The following SDCCAG8 variants were observed in gnomAD, a reference collection of about 807,000 sequenced individuals.
The protein encoded by SDCCAG8 is SHH signaling and ciliogenesis regulator SDCCAG8.
SDCCAG8 carries 74 observed loss-of-function variants against 101.8 expected under a neutral mutation model. The ratio of observed to expected loss-of-function variants is 0.73; its 90% CI spans 0.60 to 0.88. SDCCAG8 has a LOEUF of 0.88. Ranked by LOEUF, SDCCAG8 falls within the 40% of genes least tolerant of loss-of-function variation. The pLI is 0.00. For missense variants in SDCCAG8, 787 were observed against 822.6 expected (o/e 0.96, Z 0.53); for synonymous variants, 281 against 292.9 (o/e 0.96, Z 0.41).
chr1:243,295,005 C>T (rs2070727351), intron 6 of SDCCAG8, among the ~76,000 whole-genome samples: 2 of 152,078 alleles, frequency 1.3e-5, no homozygotes, highest in East Asian at 3.9e-4. Flanking sequence ...CCCAGTCACC[C>T]TCTCCTGTCT....
intron 17 of SDCCAG8, among the ~76,000 whole-genome samples, chr1:243,494,231 T>C (rs1667260983): frequency 6.6e-6 from 1 of 152,214 alleles, no homozygotes; most frequent in African/African-American, 2.4e-5. Context: ...TTTTTTTGTT[T>C]TTATCCTGAT....
intron 16 of SDCCAG8, among the ~76,000 whole-genome samples, chr1:243,441,583 T>C (rs1009307545): frequency 9.9e-5 from 15 of 152,194 alleles, no homozygotes; most frequent in African/African-American, 3.4e-4. Context: ...TATGGCTAGA[T>C]TTTATTACCT....
intron 17 of SDCCAG8, among the ~76,000 whole-genome samples, chr1:243,491,853 A>G (rs949880629): frequency 2.6e-5 from 4 of 152,104 alleles, no homozygotes; most frequent in Non-Finnish European, 5.9e-5. Flanking sequence ...CGGGTTAGAG[A>G]TGGTTTAACT....
chr1:243,438,678 C>T (rs952409455), intron 16 of SDCCAG8, among the ~76,000 whole-genome samples: 1 of 152,018 alleles, frequency 6.6e-6, no homozygotes, highest in Non-Finnish European at 1.5e-5. Flanking sequence ...CTGAGAGGGG[C>T]CTTTGAAGGG....
At chr1:243,426,378 T>C (rs2081340399) in intron 15 of SDCCAG8, 49 bp from the exon 16 acceptor site, 1 of 1,505,618 alleles carries the variant, frequency 6.6e-7, no homozygotes, top group Non-Finnish European at 9.2e-7. Flanking sequence ...CAATATGCCC[T>C]AGTAATAAGA....
At chr1:243,493,276 T>G (rs551250588) in intron 17 of SDCCAG8, among the ~76,000 whole-genome samples, 261 of 151,962 alleles carry the variant, frequency 1.7e-3, no homozygotes, top group Middle Eastern at 0.01. Flanking sequence ...CAGGGGAGTT[T>G]GGGCAGGGCC....
intron 1 of SDCCAG8, among the ~76,000 whole-genome samples, chr1:243,258,331 A>G (rs972549266): frequency 6.6e-6 from 1 of 152,204 alleles, no homozygotes; most frequent in African/African-American, 2.4e-5. Context: ...TCTGGAAGGA[A>G]ACAAAACAGA....
chr1:243,341,676 T>C (rs918681572), intron 11 of SDCCAG8, among the ~76,000 whole-genome samples: 4 of 152,216 alleles, frequency 2.6e-5, no homozygotes, highest in Non-Finnish European at 5.9e-5. Context: ...TAATACTACA[T>C]GATCTTATTG....
chr1:243,288,251 C>A (rs1265209582), intron 5 of SDCCAG8, among the ~76,000 whole-genome samples: 1 of 152,062 alleles, frequency 6.6e-6, no homozygotes, highest in African/African-American at 2.4e-5. Context: ...ACGGATGGAT[C>A]ACTTGAGCCC....
intron 9 of SDCCAG8, 95 bp downstream of exon 9, chr1:243,316,988 G>A: frequency 7.7e-7 from 1 of 1,290,792 alleles, no homozygotes; most frequent in Non-Finnish European, 1.1e-6. Flanking sequence ...ACTAAACTTT[G>A]TTTTTCAAAC....
chr1:243,303,850 A>G (rs1004228169), intron 6 of SDCCAG8, among the ~76,000 whole-genome samples: 2 of 152,162 alleles, frequency 1.3e-5, no homozygotes, highest in African/African-American at 4.8e-5. Context: ...AGGCGGGCAG[A>G]TCACTTGAGT....
intron 12 of SDCCAG8, among the ~76,000 whole-genome samples, chr1:243,357,416 C>T (rs1386377822): frequency 6.6e-6 from 1 of 152,022 alleles, no homozygotes; most frequent in East Asian, 1.9e-4. Flanking sequence ...TAACTTTTGT[C>T]TTTAGTCTTT....
At chr1:243,444,097 T>C (rs1301013889) in intron 16 of SDCCAG8, among the ~76,000 whole-genome samples, 3 of 152,198 alleles carry the variant, frequency 2.0e-5, no homozygotes, top group Non-Finnish European at 4.4e-5. Flanking sequence ...TGTACTTAGA[T>C]TTAAACTTCT....
chr1:243,298,528 G>C (rs550888875), intron 6 of SDCCAG8, among the ~76,000 whole-genome samples: 3 of 151,470 alleles, frequency 2.0e-5, no homozygotes, highest in Non-Finnish European at 2.9e-5. Context: ...CGTTGGCCAG[G>C]CTGGTCTTGA....
chr1:243,269,288 G>A (rs1291354137), intron 1 of SDCCAG8: 1 of 149,108 alleles, frequency 6.7e-6, no homozygotes, highest in African/African-American at 2.5e-5. Flanking sequence ...ATGAGGCTGG[G>A]TTCCTTGGAG....
rs578161640 is a variant in SDCCAG8 at position 243,309,674 on chromosome 1, A to T, written c.929+1497A>T. ...CCGCCACACCCAGCTAATTAAAAAA[A>T]TTTTTTTTGGTAGAGATGGGGTCTC... On this transcript the variant is annotated intron_variant, in intron 8 of 17. Transcript: ENST00000366541. Among the ~76,000 whole-genome samples, 37 of 151,990 alleles carry T rather than the reference A, an allele frequency of 2.4e-4. 1 individual carries two copies. Among genetic ancestry groups the T allele is most frequent in the Admixed American group, 1.4e-3 (22 of 15,266 alleles).
In SDCCAG8 at chr1:243,330,591, C is replaced by T. The variant is rs770084716; in HGVS notation, c.1120C>T (p.Arg374Ter). The T allele has an allele frequency of 2.5e-6, 4 of 1,613,446 alleles. No individual in the cohort carries two copies. The highest frequency in any genetic ancestry group is 2.2e-5 in the East Asian group (1 of 44,850). Residue 374 changes from arginine (R) to a stop codon, truncating the protein, a stop_gained, in exon 10 of 18, where the codon CGA (arginine) becomes TGA (stop). Transcript: ENST00000366541. LOFTEE classifies it high-confidence loss of function. ...LRKELERQAE[R>*]LEKELASQQE... Reference sequence around the variant, plus strand: ...GAAGGAGCTGGAGAGGCAGGCGGAGCGACTTGAAAAAGAACTTGCATCTCA... The same window carrying T: ...GAAGGAGCTGGAGAGGCAGGCGGAGTGACTTGAAAAAGAACTTGCATCTCA...
At chr1:243,485,456 A>C (rs1385977746) in intron 16 of SDCCAG8, among the ~76,000 whole-genome samples, 1 of 152,200 alleles carries the variant, frequency 6.6e-6, no homozygotes, top group Non-Finnish European at 1.5e-5. Context: ...CACAAATATG[A>C]CAGAGCAGTA....
intron 16 of SDCCAG8, among the ~76,000 whole-genome samples, chr1:243,430,670 C>G (rs1382564660): frequency 1.3e-5 from 2 of 151,610 alleles, no homozygotes; most frequent in Non-Finnish European, 2.9e-5. Flanking sequence ...GATCTCCTGA[C>G]CTCGTGATCC....
Sources: gnomAD v4.1 joint callset for allele counts (sites outside exome capture counted in the v4.1 genomes callset) on GRCh38, gnomAD v4.1.1 for gene constraint, MANE v1.5 for transcripts, NCBI Gene and HGNC (gene_info 2026-07-23, HGNC 2026-07-21) for gene names.